Variants in TBCK observed in about 807,000 individuals in gnomAD.
TBCK encodes TBC1 domain containing kinase.
A neutral mutation model predicts 113.4 loss-of-function variants in TBCK; 99 were observed. The ratio of observed to expected loss-of-function variants is 0.87; its 90% CI spans 0.74 to 1.03. TBCK has a LOEUF of 1.03. TBCK is among the 50% of genes least tolerant of loss of function. The probability of loss-of-function intolerance (pLI) is 0.00; values close to 1 mark genes in which losing one functional copy is unlikely to be tolerated. For missense variants in TBCK, 1,045 were observed against 1,061.3 expected (o/e 0.98, Z 0.21); for synonymous variants, 369 against 370.8 (o/e 1.00, Z 0.05).
chr4:106,125,543 T>C (rs1745093654), intron 23 of TBCK, among the ~76,000 whole-genome samples: 1 of 152,160 alleles, frequency 6.6e-6, no homozygotes, highest in Non-Finnish European at 1.5e-5. Flanking sequence ...AATGAAATCC[T>C]ATCATTTTCA....
At chr4:106,278,558 CAAAAAAAAAAAAAAAAA>C (rs376599844) in intron 3 of TBCK, among the ~76,000 whole-genome samples, 1 of 22,136 alleles carries the variant, frequency 4.5e-5, no homozygotes, top group South Asian at 2.8e-3. Flanking sequence ...AACTCTGTCT[CAAAAAAAAAAAAAAAAA>C]AAAAAAAAAG....
intron 23 of TBCK, among the ~76,000 whole-genome samples, chr4:106,149,863 C>T (rs1356562912): frequency 2.0e-5 from 3 of 152,204 alleles, no homozygotes; most frequent in Admixed American, 2.0e-4. Flanking sequence ...GCAAAACAAA[C>T]TCAAGTGTGC....
chr4:106,309,298 C>A (rs1294063455), intron 1 of TBCK, among the ~76,000 whole-genome samples: 1 of 145,330 alleles, frequency 6.9e-6, no homozygotes, highest in African/African-American at 2.6e-5. Context: ...ATTAATAAGG[C>A]TCTTCTCTTT....
At chr4:106,271,318 C>T (rs1468473208) in intron 3 of TBCK, among the ~76,000 whole-genome samples, 2 of 152,206 alleles carry the variant, frequency 1.3e-5, no homozygotes, top group Admixed American at 6.5e-5. Context: ...TTATCTTTTA[C>T]CAATTCACAA....
intron 6 of TBCK, 79 bp downstream of exon 6, chr4:106,251,787 T>A: frequency 8.0e-7 from 1 of 1,257,146 alleles, no homozygotes; most frequent in South Asian, 2.5e-5. Context: ...AACATACTAT[T>A]ATTAACTTTC....
chr4:106,161,822 T>C (rs1274011292), intron 23 of TBCK, among the ~76,000 whole-genome samples: 1 of 152,032 alleles, frequency 6.6e-6, no homozygotes, highest in Non-Finnish European at 1.5e-5. Context: ...CCATGGTAAC[T>C]GTAGGATGCA....
At chr4:106,206,536 G>A (rs1755525883) in intron 20 of TBCK, among the ~76,000 whole-genome samples, 1 of 152,108 alleles carries the variant, frequency 6.6e-6, no homozygotes, top group African/African-American at 2.4e-5. Context: ...CACATCACAG[G>A]ACTCTTCAGA....
In TBCK at chr4:106,111,019, G is replaced by A. The variant is rs189160209; in HGVS notation, c.2411+5184C>T. Among the ~76,000 whole-genome samples, 236 of 150,888 alleles carry A rather than the reference G, an allele frequency of 1.6e-3. 1 individual carries two copies. Among genetic ancestry groups the A allele is most frequent in the African/African-American group, 5.5e-3 (225 of 41,102 alleles). The stretch of plus-strand genomic sequence containing the variant: ...AAAAAAAAAAAGCATTAAAGAAAAC[G>A]GAGCCACTAGCCCATTTACAAGAGG... On this transcript the variant is annotated intron_variant, in intron 24 of 25. Coordinates refer to ENST00000394708, the MANE Select transcript of TBCK (RefSeq NM_001163435.3).
At chr4:106,194,960 A>G (rs1265165666) in intron 20 of TBCK, among the ~76,000 whole-genome samples, 1 of 152,122 alleles carries the variant, frequency 6.6e-6, no homozygotes, top group Non-Finnish European at 1.5e-5. Context: ...TTCTCCATAC[A>G]TAGTGAATCA....
chr4:106,259,138 A>G (rs1762268786), intron 5 of TBCK, among the ~76,000 whole-genome samples: 1 of 151,952 alleles, frequency 6.6e-6, no homozygotes, highest in African/African-American at 2.4e-5. Context: ...CTCACTGAAT[A>G]AAGTTTAAGA....
At chr4:106,130,239 T>G (rs927900308) in intron 23 of TBCK, among the ~76,000 whole-genome samples, 1 of 152,210 alleles carries the variant, frequency 6.6e-6, no homozygotes, top group African/African-American at 2.4e-5. Context: ...ATGTGTAATA[T>G]GTATTAAAAT....
chr4:106,295,038 C>T (rs530026577), intron 3 of TBCK, 56 bp downstream of exon 3: 11 of 1,431,540 alleles, frequency 7.7e-6, no homozygotes, highest in Admixed American at 5.9e-5. Flanking sequence ...AAACAAAATG[C>T]CTTTTTGTTT....
At position 106,084,403 on chromosome 4, in the gene TBCK, GA is replaced by G. The variant is rs1267567279; in HGVS notation, c.2571+11078del. Among the ~76,000 whole-genome samples the G allele has an allele frequency of 2.0e-5, 3 of 152,024 alleles. No homozygotes were observed. In the East Asian group the frequency reaches 5.8e-4, roughly 29 times the overall value. ...AGTATAGAGAAAAAAGAATGAAAAG[GA>G]ATGAACAAAACCTCCAAGAAATATG... On this transcript the variant is annotated intron_variant, in intron 25 of 25. Coordinates refer to ENST00000394708, the MANE Select transcript of TBCK (RefSeq NM_001163435.3).
intron 5 of TBCK, among the ~76,000 whole-genome samples, chr4:106,256,559 C>T (rs1336384775): frequency 3.3e-5 from 5 of 152,164 alleles, no homozygotes; most frequent in Admixed American, 6.5e-5. Context: ...TAGACATTTC[C>T]GAGCCTACAG....
intron 19 of TBCK, among the ~76,000 whole-genome samples, chr4:106,225,324 A>G (rs1758117853): frequency 6.6e-6 from 1 of 152,214 alleles, no homozygotes; most frequent in African/African-American, 2.4e-5. Flanking sequence ...TTTTATAGAA[A>G]TCATAACTGA....
intron 22 of TBCK, among the ~76,000 whole-genome samples, chr4:106,179,907 T>A (rs1019718961): frequency 6.6e-6 from 1 of 152,126 alleles, no homozygotes; most frequent in Non-Finnish European, 1.5e-5. Context: ...TTGTTTTATA[T>A]TCTGATGCTC....
intron 23 of TBCK, among the ~76,000 whole-genome samples, chr4:106,147,407 A>G (rs1439459421): frequency 6.6e-6 from 1 of 152,208 alleles, no homozygotes; most frequent in African/African-American, 2.4e-5. Context: ...TGCACTGGAG[A>G]ATGGATATTA....
At chr4:106,073,798 T>C (rs1225972751) in intron 25 of TBCK, among the ~76,000 whole-genome samples, 1 of 152,152 alleles carries the variant, frequency 6.6e-6, no homozygotes, top group Non-Finnish European at 1.5e-5. Context: ...CTGCTTTGTT[T>C]ACCCACTCAA....
chr4:106,065,570 T>G lies in TBCK; in HGVS notation c.2572-18890A>C, dbSNP rs191093475. Among the ~76,000 whole-genome samples, 118 of 152,100 alleles carry G rather than the reference T, an allele frequency of 7.8e-4. 1 individual carries two copies. In the East Asian group the frequency reaches 0.019, roughly 24 times the overall value. ...TGTTTGGCTTGTCAAATTAAACTCA[T>G]CCATACAGCAACAAGGATTAGCACA... On this transcript the variant is annotated intron_variant, in intron 25 of 25. Transcript: ENST00000394708.
Sources: gnomAD v4.1 joint callset for allele counts (sites outside exome capture counted in the v4.1 genomes callset) on GRCh38, gnomAD v4.1.1 for gene constraint, MANE v1.5 for transcripts, NCBI Gene and HGNC (gene_info 2026-07-23, HGNC 2026-07-21) for gene names.